The following CBFA2T3 variants were observed in gnomAD, a reference collection of about 807,000 sequenced individuals.
The protein encoded by CBFA2T3 is transcriptional corepressor CBFA2T3.
CBFA2T3 carries 31 observed loss-of-function variants against 58.6 expected under a neutral mutation model. That is an observed-to-expected ratio of 0.53 (90% CI 0.40 to 0.71). The LOEUF (loss-of-function observed/expected upper bound fraction) is 0.71. Ranked by LOEUF, CBFA2T3 falls within the 30% of genes least tolerant of loss-of-function variation. CBFA2T3 has a pLI of 0.00. For synonymous variants in CBFA2T3, 531 were observed against 421.9 expected (o/e 1.26, Z -3.17); for missense variants, 1,076 against 963.1 (o/e 1.12, Z -1.55).
intron 1 of CBFA2T3, among the ~76,000 whole-genome samples, chr16:88,923,368 G>A (rs1446967875): frequency 6.6e-6 from 1 of 152,220 alleles, no homozygotes; most frequent in Non-Finnish European, 1.5e-5. Flanking sequence ...ACCAGGCTGA[G>A]CTGCTAGTTG....
chr16:88,881,607 G>A lies in CBFA2T3; in HGVS notation c.1204-118C>T, dbSNP rs2272434. The A allele has an allele frequency of 2.5e-4, 254 of 1,033,170 alleles. 1 individual carries two copies. The East Asian group carries it at 4.1e-3, about 17-fold the overall frequency. 64.0% of individuals were successfully genotyped at this position (1,033,170 alleles called of 1,614,324 possible). ...TGGGTGCCCGACCAGCCCACCGCCCGTGAGAGTAAGGGGGTGAGGGAGGGC... is the reference window on the plus strand; with the variant it reads ...TGGGTGCCCGACCAGCCCACCGCCCATGAGAGTAAGGGGGTGAGGGAGGGC... On this transcript the variant is annotated intron_variant, in intron 8 of 11. Coordinates refer to ENST00000268679, the MANE Select transcript of CBFA2T3 (RefSeq NM_005187.6).
chr16:88,967,235 G>A (rs1972537288), intron 1 of CBFA2T3, among the ~76,000 whole-genome samples: 1 of 147,946 alleles, frequency 6.8e-6, no homozygotes, highest in African/African-American at 2.6e-5. Context: ...CCCCCGAGGT[G>A]CCACTCGGCC....
intron 1 of CBFA2T3, among the ~76,000 whole-genome samples, chr16:88,940,675 G>A (rs1171892960): frequency 6.6e-6 from 1 of 152,202 alleles, no homozygotes; most frequent in Non-Finnish European, 1.5e-5. Flanking sequence ...CCTCTCCCAG[G>A]GCCGCCCTCG....
intron 1 of CBFA2T3, among the ~76,000 whole-genome samples, chr16:88,913,167 C>T (rs1970583590): frequency 6.6e-6 from 1 of 152,228 alleles, no homozygotes; most frequent in Admixed American, 6.5e-5. Flanking sequence ...TCAGATGACC[C>T]TGAGCCTGGA....
At chr16:88,974,342 G>A (rs1972735987) in intron 1 of CBFA2T3, among the ~76,000 whole-genome samples, 1 of 152,164 alleles carries the variant, frequency 6.6e-6, no homozygotes, top group Non-Finnish European at 1.5e-5. Context: ...AGGGGTCAGT[G>A]AGGATCCAGA....
At chr16:88,942,134 C>G (rs4782500) in intron 1 of CBFA2T3, among the ~76,000 whole-genome samples, 3 of 152,002 alleles carry the variant, frequency 2.0e-5, no homozygotes, top group African/African-American at 7.2e-5. Flanking sequence ...AGAAACGCCC[C>G]GAGCCGCTGC....
At chr16:88,948,476 A>C (rs948846588) in intron 1 of CBFA2T3, among the ~76,000 whole-genome samples, 23 of 152,302 alleles carry the variant, frequency 1.5e-4, no homozygotes, top group African/African-American at 4.1e-4. Flanking sequence ...TGGTGTGGGC[A>C]CCAGATGACG....
chr16:88,928,109 G>A (rs556436902), intron 1 of CBFA2T3, among the ~76,000 whole-genome samples: 166 of 152,306 alleles, frequency 1.1e-3, no homozygotes, highest in African/African-American at 3.9e-3. Context: ...TGGCCACCAC[G>A]GGGCCATCAC....
At chr16:88,902,965 C>T (rs759698860) in intron 1 of CBFA2T3, among the ~76,000 whole-genome samples, 29 of 152,096 alleles carry the variant, frequency 1.9e-4, no homozygotes, top group Non-Finnish European at 4.0e-4. Flanking sequence ...CCACGACTGC[C>T]CTGCACCCTC....
At chr16:88,949,610 G>A (rs1463256545) in intron 1 of CBFA2T3, among the ~76,000 whole-genome samples, 1 of 151,756 alleles carries the variant, frequency 6.6e-6, no homozygotes, top group Non-Finnish European at 1.5e-5. Context: ...TGGGTGTGGG[G>A]ACAAACGACA....
chr16:88,962,404 A>G (rs545870393), intron 1 of CBFA2T3, among the ~76,000 whole-genome samples: 2 of 152,388 alleles, frequency 1.3e-5, no homozygotes, highest in East Asian at 3.9e-4. Context: ...AGGTGAATGC[A>G]CTTCCCAGGC....
intron 1 of CBFA2T3, among the ~76,000 whole-genome samples, chr16:88,902,685 C>G (rs1329573591): frequency 6.6e-5 from 10 of 152,220 alleles, no homozygotes; most frequent in African/African-American, 2.2e-4. Context: ...GCCCCAGGGC[C>G]TCCCCATTTA....
chr16:88,934,703 G>A (rs1188092197), intron 1 of CBFA2T3, among the ~76,000 whole-genome samples: 3 of 152,246 alleles, frequency 2.0e-5, no homozygotes, highest in African/African-American at 4.8e-5. Flanking sequence ...ACGAAGGGCC[G>A]TGCCCTGCCC....
intron 2 of CBFA2T3, among the ~76,000 whole-genome samples, chr16:88,900,975 G>A (rs1241831552): frequency 1.3e-5 from 2 of 152,228 alleles, no homozygotes. Context: ...CCTGGCCCCC[G>A]TGCTCAGCCG....
intron 1 of CBFA2T3, chr16:88,939,964 C>CGTCCG (rs1000181458): frequency 7.2e-5 from 11 of 151,914 alleles, no homozygotes; most frequent in African/African-American, 2.7e-4. Flanking sequence ...CCGGCCGACC[C>CGTCCG]GTCCGCCGAG....
intron 1 of CBFA2T3, among the ~76,000 whole-genome samples, chr16:88,973,089 G>A (rs1010477164): frequency 2.6e-5 from 4 of 152,144 alleles, no homozygotes; most frequent in African/African-American, 2.4e-5. Context: ...AGGAGGAGTC[G>A]GGCTGAGACC....
At chr16:88,886,274 G>T in intron 5 of CBFA2T3, 132 bp from the exon 6 acceptor site, 1 of 554,596 alleles carries the variant, frequency 1.8e-6, no homozygotes, top group Non-Finnish European at 3.0e-6. Flanking sequence ...CAAGGTGCTC[G>T]ACCTCTCTGG....
At chr16:88,915,745 G>T (rs140545688) in intron 1 of CBFA2T3, among the ~76,000 whole-genome samples, 94 of 119,546 alleles carry the variant, frequency 7.9e-4, no homozygotes, top group African/African-American at 3.5e-3. Context: ...GGGAGCGTGG[G>T]GGGGGAGTGT....
intron 1 of CBFA2T3, among the ~76,000 whole-genome samples, chr16:88,972,850 T>C (rs1972688439): frequency 6.6e-6 from 1 of 152,172 alleles, no homozygotes; most frequent in South Asian, 2.1e-4. Context: ...CTGGGGACCT[T>C]GGGATGATGG....
Sources: allele counts gnomAD v4.1 joint callset (sites outside exome capture counted in the v4.1 genomes callset), GRCh38; gene constraint gnomAD v4.1.1; transcripts MANE v1.5; gene names NCBI Gene and HGNC (gene_info 2026-07-23, HGNC 2026-07-21).